Variants in DYNC1H1 observed in about 807,000 individuals in gnomAD.
The protein encoded by DYNC1H1 is cytoplasmic dynein 1 heavy chain 1.
In DYNC1H1, 51 loss-of-function variants were observed where a neutral mutation model predicts 527.1. The ratio of observed to expected loss-of-function variants is 0.10; its 90% CI spans 0.08 to 0.12. The LOEUF is 0.12. Ranked by LOEUF, DYNC1H1 falls within the 10% of genes least tolerant of loss-of-function variation. The pLI is 1.00. For missense variants in DYNC1H1, 2,771 were observed against 5,971.8 expected (o/e 0.46, Z 17.66); for synonymous variants, 2,189 against 2,278.8 (o/e 0.96, Z 1.12).
In DYNC1H1 at chr14:101,994,602, A is replaced by C. The variant is rs1336908360; in HGVS notation, c.3157-71A>C. On this transcript the variant is annotated intron_variant, in intron 12 of 77. Transcript: ENST00000360184. ...ACATGAACCTTCTTAATGGAATGTG[A>C]ACATAAGAGGTGCCAGTATTCTACA... is the stretch of plus-strand genomic sequence containing the variant. 27 of 1,578,032 alleles carry C rather than the reference A, an allele frequency of 1.7e-5. No homozygotes were observed. The South Asian group carries it at 2.8e-4, about 16-fold the overall frequency.
chr14:101,991,981 C>T (rs1282134015), intron 11 of DYNC1H1, among the ~76,000 whole-genome samples: 1 of 142,338 alleles, frequency 7.0e-6, no homozygotes, highest in Non-Finnish European at 1.5e-5. Context: ...TTAAAACATA[C>T]ACAAAAGTTG....
chr14:102,004,971 G>T (rs1469353134), intron 25 of DYNC1H1, 21 bp downstream of exon 25: 2 of 1,614,112 alleles, frequency 1.2e-6, no homozygotes, highest in Non-Finnish European at 1.7e-6. Flanking sequence ...GTAGAAGTGA[G>T]TGGGCTCGTG....
intron 72 of DYNC1H1, chr14:102,045,293 ACT>A (rs1221367760): frequency 1.4e-5 from 2 of 142,364 alleles, no homozygotes; most frequent in African/African-American, 5.4e-5. Flanking sequence ...ACAGAGTGAG[ACT>A]CTGTCTCAAA....
chr14:102,015,373 G>A lies in DYNC1H1; in HGVS notation c.7242+41G>A. Reference sequence around the variant, plus strand: ...ACCCCACATATCATGACCTGAGGGTGCTAGGATATTCAGATGTGGTCTCGC... The same window carrying A: ...ACCCCACATATCATGACCTGAGGGTACTAGGATATTCAGATGTGGTCTCGC... On this transcript the variant is annotated intron_variant, in intron 35 of 77. Coordinates refer to ENST00000360184, the MANE Select transcript of DYNC1H1 (RefSeq NM_001376.5). This position sits in a 1 kb window ranked among gnomAD's most constrained non-coding sequence, Gnocchi z 6.9. 1 of 1,565,366 alleles carries A rather than the reference G, an allele frequency of 6.4e-7. No homozygotes were observed. The highest frequency in any genetic ancestry group is 8.7e-7 in the Non-Finnish European group (1 of 1,152,804).
Position 102,004,238 on chromosome 14 carries a change from C to T in DYNC1H1, c.4884-280C>T, listed in dbSNP as rs12883138. Among the ~76,000 whole-genome samples the T allele has an allele frequency of 0.19, 28,383 of 150,468 alleles. 3,417 individuals carry two copies. Among genetic ancestry groups the T allele is most frequent in the African/African-American group, 0.35 (13,884 of 40,168 alleles). On this transcript the variant is annotated intron_variant, in intron 23 of 77. Transcript: ENST00000360184. ...CAGCCTGGGCGACAGAGCAAGACTC[C>T]GTCTCAAAAATAAATAAATAAATAA...
At chr14:101,992,806 A>T (rs2048013008) in intron 11 of DYNC1H1, among the ~76,000 whole-genome samples, 1 of 150,778 alleles carries the variant, frequency 6.6e-6, no homozygotes, top group Non-Finnish European at 1.5e-5. Context: ...GATGCTCTGG[A>T]CTCTTCAGAA....
chr14:101,975,191 A>C (rs974279576), intron 1 of DYNC1H1, among the ~76,000 whole-genome samples: 1 of 152,192 alleles, frequency 6.6e-6, no homozygotes, highest in Non-Finnish European at 1.5e-5. Context: ...GATATTCTTT[A>C]TGGAGAAAAC....
chr14:101,983,140 C>T lies in DYNC1H1; in HGVS notation c.1083C>T (p.Phe361=), dbSNP rs2047888069. The T allele has an allele frequency of 6.2e-7, 1 of 1,614,178 alleles. No homozygotes were observed. Among genetic ancestry groups the T allele is most frequent in the South Asian group, 1.1e-5 (1 of 91,086 alleles). The change falls in exon 6 of 78, where the codon TTC becomes TTT. Residue 361 remains phenylalanine, a synonymous_variant. Coordinates refer to ENST00000360184, the MANE Select transcript of DYNC1H1 (RefSeq NM_001376.5). The surrounding 1 kb of genome is among the most constrained non-coding windows in gnomAD (Gnocchi z 5.3). ...DKIRQALVAI[F]THLRKIRNTK... is the part of the protein sequence containing the mutation. ...TAAGACAGGCGCTTGTTGCCATTTT[C>T]ACACATTTGAGAAAGATCCGAAACA...
intron 74 of DYNC1H1, 66 bp downstream of exon 74, chr14:102,048,735 GCC>G: frequency 6.8e-7 from 1 of 1,464,310 alleles, no homozygotes; most frequent in Non-Finnish European, 9.2e-7. Flanking sequence ...CCACAACCCA[GCC>G]CAGCCACACA....
chr14:102,044,132 G>A lies in DYNC1H1; in HGVS notation c.12684+87G>A, dbSNP rs141984395. 358 of 1,588,978 alleles carry A rather than the reference G, an allele frequency of 2.3e-4. 6 individuals carry two copies. The African/African-American group carries it at 3.9e-3, about 17-fold the overall frequency. On this transcript the variant is annotated intron_variant, in intron 70 of 77. Coordinates refer to ENST00000360184, the MANE Select transcript of DYNC1H1 (RefSeq NM_001376.5). The surrounding 1 kb of genome is among the most constrained non-coding windows in gnomAD (Gnocchi z 7.1). ...GTGGTGCTGAGAGGCCAGACTCTGC[G>A]TGGAAGAGCGAGCTGACCCCTCGTG...
rs761881469 is a variant in DYNC1H1, at chr14:102,049,873, G to A, written c.13675G>A (p.Gly4559Arg). The A allele has an allele frequency of 2.0e-5, 32 of 1,612,796 alleles. No homozygotes were observed. The Admixed American group carries it at 2.3e-4, about 12-fold the overall frequency. Residue 4559 changes from glycine (G) to arginine (R), a missense_variant, in exon 76 of 78, where the codon GGA (glycine) becomes AGA (arginine). Gly to Arg is a moderately radical substitution (Grantham distance 125). Transcript: ENST00000360184. The surrounding 1 kb of genome is among the most constrained non-coding windows in gnomAD (Gnocchi z 5.5). Reference sequence around the variant, plus strand: ...CGCCACCCTTGACGCTTGCAGCTTCGGAGTCACGGGTGAGTGGAGTCTCAC... The same window carrying A: ...CGCCACCCTTGACGCTTGCAGCTTCAGAGTCACGGGTGAGTGGAGTCTCAC... Reference protein sequence around the residue: ...QGATLDACSFGVTGLKLQGAT... With the variant: ...QGATLDACSFRVTGLKLQGAT...
intron 1 of DYNC1H1, among the ~76,000 whole-genome samples, chr14:101,968,725 C>A (rs2047695791): frequency 6.6e-6 from 1 of 151,926 alleles, no homozygotes; most frequent in African/African-American, 2.4e-5. Flanking sequence ...CCACGCCTGG[C>A]TCATTGTTGT....
chr14:101,971,307 C>T (rs2047736420), intron 1 of DYNC1H1, among the ~76,000 whole-genome samples: 2 of 151,864 alleles, frequency 1.3e-5, no homozygotes, highest in Non-Finnish European at 1.5e-5. Flanking sequence ...CTCCTGAGCT[C>T]GAGTGATCCA....
Position 102,036,677 on chromosome 14 carries a change from A to G in DYNC1H1, c.10908+35A>G. The G allele has an allele frequency of 6.2e-7, 1 of 1,613,196 alleles. No individual in the cohort carries two copies. The highest frequency in any genetic ancestry group is 8.5e-7 in the Non-Finnish European group (1 of 1,179,460). ...GGCCTTTGAATTCTTGAAACACTGCATTCAAGAGTGAATTCCTTTTTGGGG... is the reference window on the plus strand; with the variant it reads ...GGCCTTTGAATTCTTGAAACACTGCGTTCAAGAGTGAATTCCTTTTTGGGG... On this transcript the variant is annotated intron_variant, in intron 57 of 77. Transcript: ENST00000360184. This position sits in a 1 kb window ranked among gnomAD's most constrained non-coding sequence, Gnocchi z 5.6.
In DYNC1H1 at chr14:102,042,860, C is replaced by T. The variant is rs1261093125; in HGVS notation, c.12513+112C>T. Reference sequence around the variant, plus strand: ...CCCGGAAGTGCCGTGTGGTGAACTGCACAGCTGCTTTTGCTTTTCAGCTGT... The same window carrying T: ...CCCGGAAGTGCCGTGTGGTGAACTGTACAGCTGCTTTTGCTTTTCAGCTGT... On this transcript the variant is annotated intron_variant, in intron 69 of 77. Transcript: ENST00000360184. The surrounding 1 kb of genome is among the most constrained non-coding windows in gnomAD (Gnocchi z 5.7). The T allele has an allele frequency of 2.9e-5, 36 of 1,245,004 alleles. No homozygotes were observed. Among genetic ancestry groups the T allele is most frequent in the Admixed American group, 3.9e-5 (2 of 50,900 alleles). 77.1% of individuals were successfully genotyped at this position (1,245,004 alleles called of 1,614,324 possible). A position where few individuals can be genotyped will look rare whatever the true frequency, so the allele number is the denominator to read the frequency against.
At chr14:101,995,117 C>G (rs1251764778) in intron 14 of DYNC1H1, 21 bp downstream of exon 14, 8 of 1,614,058 alleles carry the variant, frequency 5.0e-6, no homozygotes, top group Admixed American at 3.3e-5. Context: ...AGGATTCTGC[C>G]TCTGTAACCG....
Position 102,044,761 on chromosome 14 carries a change from G to A in DYNC1H1, c.13006+63G>A, listed in dbSNP as rs1567023774. ...GGCGAGGGTCCCCTCACGCGGGGTG[G>A]GTGGCGAGGGTCCCCACACGCAGGG... On this transcript the variant is annotated intron_variant, in intron 72 of 77. Transcript: ENST00000360184. This position sits in a 1 kb window ranked among gnomAD's most constrained non-coding sequence, Gnocchi z 7.1. 3 of 1,411,078 alleles carry A rather than the reference G, an allele frequency of 2.1e-6. No homozygotes were observed. The highest frequency in any genetic ancestry group is 2.9e-6 in the Non-Finnish European group (3 of 1,025,752). 87.4% of individuals were successfully genotyped at this position (1,411,078 alleles called of 1,614,324 possible).
At chr14:102,022,928 T>C (rs747580321) in intron 43 of DYNC1H1, 48 bp downstream of exon 43, 63 of 1,613,422 alleles carry the variant, frequency 3.9e-5, no homozygotes, top group Non-Finnish European at 5.0e-5. Context: ...CTGCCATCCC[T>C]TTCTAACACT....
Position 102,034,060 on chromosome 14 carries a change from A to G in DYNC1H1, c.10498A>G (p.Met3500Val). The G allele has an allele frequency of 6.2e-7, 1 of 1,614,126 alleles. No individual in the cohort carries two copies. The highest frequency in any genetic ancestry group is 8.5e-7 in the Non-Finnish European group (1 of 1,180,024). Residue 3500 changes from methionine to valine, a missense_variant, in exon 55 of 78, where the codon ATG (methionine) becomes GTG (valine). Coordinates refer to ENST00000360184, the MANE Select transcript of DYNC1H1 (RefSeq NM_001376.5). ...EKTSETFKNQ[M>V]STIAGDCLLS... ...AACAAGTGAAACTTTCAAAAACCAG[A>G]TGTCCACCATTGCTGGGGACTGTCT...
Sources: allele counts gnomAD v4.1 joint callset (sites outside exome capture counted in the v4.1 genomes callset), GRCh38; gene constraint gnomAD v4.1.1; non-coding constraint Gnocchi (gnomAD v3.1); transcripts MANE v1.5; gene names NCBI Gene and HGNC (gene_info 2026-07-23, HGNC 2026-07-21).